The following RBBP4 variants were observed in gnomAD, a reference collection of about 807,000 sequenced individuals.
The protein encoded by RBBP4 is RB binding protein 4, chromatin remodeling factor, also known as histone-binding protein RBBP4.
Under a neutral mutation model 57.2 loss-of-function variants are expected in RBBP4, and 3 were observed. The observed-to-expected ratio is 0.05, with a 90% CI of 0.02 to 0.14. The LOEUF is 0.14. RBBP4 is among the 10% of genes least tolerant of loss of function. RBBP4 has a pLI of 1.00. For missense variants in RBBP4, 107 were observed against 520.6 expected, an observed-to-expected ratio of 0.21 and a Z score of 7.73; for synonymous variants, 151 against 171.5, an observed-to-expected ratio of 0.88 and a Z score of 0.93.
chr1:32,660,427 T>TTTTTATTTATTTA (rs67158502), intron 3 of RBBP4, among the ~76,000 whole-genome samples: 125,444 of 150,526 alleles, frequency 0.83, 54,651 homozygotes, highest in Non-Finnish European at 0.96. Flanking sequence ...TATTTATTTA[T>TTTTTATTTATTTA]TTTTTTTGAG....
At chr1:32,671,693 T>TG (rs1648882393) in intron 8 of RBBP4, among the ~76,000 whole-genome samples, 1 of 33,036 alleles carries the variant, frequency 3.0e-5, no homozygotes, top group Non-Finnish European at 2.0e-4. Flanking sequence ...AGGCCTCATC[T>TG]CTTTTTTTTT....
At chr1:32,654,699 G>A (rs1648055147) in intron 2 of RBBP4, among the ~76,000 whole-genome samples, 4 of 152,098 alleles carry the variant, frequency 2.6e-5, no homozygotes, top group Admixed American at 2.6e-4. Flanking sequence ...TGTTGTTGTT[G>A]TTTTGAGACG....
intron 11 of RBBP4, among the ~76,000 whole-genome samples, chr1:32,677,479 AAAC>A (rs67938046): frequency 1.4e-4 from 20 of 139,602 alleles, no homozygotes; most frequent in Admixed American, 2.5e-4. Flanking sequence ...TTAAAAAAAA[AAAC>A]AAAACAAAAA....
chr1:32,662,211 A>AT (rs779037933), intron 3 of RBBP4: 44 of 334,862 alleles, frequency 1.3e-4, no homozygotes, highest in African/African-American at 3.4e-4. Flanking sequence ...GTTTTGTTTT[A>AT]TTTTTTTAAC....
chr1:32,666,440 C>T (rs1031948259), intron 3 of RBBP4, among the ~76,000 whole-genome samples: 1 of 151,898 alleles, frequency 6.6e-6, no homozygotes, highest in African/African-American at 2.4e-5. Context: ...CTCACTGCAA[C>T]CTCCGCCTCC....
chr1:32,656,987 G>C (rs1345372685), intron 2 of RBBP4, among the ~76,000 whole-genome samples: 1 of 152,130 alleles, frequency 6.6e-6, no homozygotes, highest in Admixed American at 6.6e-5. Context: ...TAGAAAATAT[G>C]GCTCTTGGCC....
chr1:32,668,653 A>G (rs1648752723), intron 4 of RBBP4, 86 bp from the exon 5 acceptor site: 1 of 1,084,064 alleles, frequency 9.2e-7, no homozygotes, highest in African/African-American at 1.6e-5. Flanking sequence ...TAAGAGCTTT[A>G]GACATCTTGA....
rs1649319045 is a variant in RBBP4 at position 32,679,976 on chromosome 1, G to A, written c.*271G>A. 2.5e-6 allele frequency: 3 copies of A among 1,210,718 alleles called. No individual in the cohort carries two copies. Among genetic ancestry groups the A allele is most frequent in the African/African-American group, 1.6e-5 (1 of 63,166 alleles). The allele number at this position is 1,210,718 out of a possible 1,614,324, so 75.0% of individuals were successfully genotyped here. On this transcript the variant is annotated 3_prime_UTR_variant, in exon 12 of 12. Transcript: ENST00000373493. ...AGCTACAGAAAGGGGAATATTATGTGTGATTATTTTTCTTCTTATGCTATA... is the reference window on the plus strand; with the variant it reads ...AGCTACAGAAAGGGGAATATTATGTATGATTATTTTTCTTCTTATGCTATA...
In RBBP4 at chr1:32,679,802, T is replaced by A; in HGVS notation, c.*97T>A. 6.5e-7 allele frequency: 1 copy of A among 1,548,328 alleles called. No individual in the cohort carries two copies. The highest frequency in any genetic ancestry group is 8.7e-7 in the Non-Finnish European group (1 of 1,151,764). On this transcript the variant is annotated 3_prime_UTR_variant, in exon 12 of 12. Transcript: ENST00000373493. ...TTTTGAGACAGACTTTATTCAGCTA[T>A]CCCTCTATATAATAGGTACCACCGA...
intron 2 of RBBP4, among the ~76,000 whole-genome samples, chr1:32,653,644 TTTTTTTTTTTTTTTTGTTTTTG>T (rs1647998286): frequency 4.5e-5 from 1 of 22,462 alleles, no homozygotes; most frequent in Admixed American, 5.4e-4. Flanking sequence ...CTGGTTTTTT[TTTTTTTTTTTTTTTTGTTTTTG>T]TTTTTTTTTT....
At chr1:32,653,660 G>GTTTT (rs1570831254) in intron 2 of RBBP4, among the ~76,000 whole-genome samples, 3 of 45,054 alleles carry the variant, frequency 6.7e-5, no homozygotes, top group Admixed American at 2.7e-4. Flanking sequence ...TTTTTTTTTT[G>GTTTT]TTTTTGTTTT....
Position 32,679,748 on chromosome 1 carries a change from TCTC to T in RBBP4, c.*44_*46del, listed in dbSNP as rs1457936119. 6.2e-7 allele frequency: 1 copy of T among 1,611,250 alleles called. No individual in the cohort carries two copies. Among genetic ancestry groups the T allele is most frequent in the Non-Finnish European group, 8.5e-7 (1 of 1,178,872 alleles). On this transcript the variant is annotated 3_prime_UTR_variant, in exon 12 of 12. Transcript: ENST00000373493. ...GTGATTTTAGACTCCCCTTTTTTCT[TCTC>T]AACCCTGAGAGTGATTTAACACTGG... is the stretch of plus-strand genomic sequence containing the variant.
In RBBP4 at chr1:32,668,334, C is replaced by G; in HGVS notation, c.420C>G (p.Ile140Met). The G allele has an allele frequency of 6.2e-7, 1 of 1,609,746 alleles. No individual in the cohort carries two copies. The highest frequency in any genetic ancestry group is 8.5e-7 in the Non-Finnish European group (1 of 1,176,108). Reference sequence around the variant, plus strand: ...ATATGCCCCAGAACCCTTGTATCATCGCAACAAAGACTCCTTCCAGTGATG... The same window carrying G: ...ATATGCCCCAGAACCCTTGTATCATGGCAACAAAGACTCCTTCCAGTGATG... The part of the protein sequence containing the change: ...ARYMPQNPCI[I>M]ATKTPSSDVL... The change falls in exon 4 of 12, where the codon ATC becomes ATG. Residue 140 changes from isoleucine (I) to methionine (M), a missense_variant. Ile to Met is a conservative substitution (Grantham distance 10). Coordinates refer to ENST00000373493, the MANE Select transcript of RBBP4 (RefSeq NM_005610.3).
At chr1:32,663,497 T>C (rs757200869) in intron 3 of RBBP4, among the ~76,000 whole-genome samples, 2 of 152,108 alleles carry the variant, frequency 1.3e-5, no homozygotes, top group Non-Finnish European at 2.9e-5. Context: ...TGGAGTGCAG[T>C]GGTGTGATCA....
At chr1:32,659,174 CAA>C (rs1648292393) in intron 3 of RBBP4, among the ~76,000 whole-genome samples, 1 of 148,858 alleles carries the variant, frequency 6.7e-6, no homozygotes, top group East Asian at 1.9e-4. Context: ...TACACACACA[CAA>C]TATAAATGTA....
intron 2 of RBBP4, 138 bp downstream of exon 2, chr1:32,652,199 A>G: frequency 1.0e-6 from 1 of 997,742 alleles, no homozygotes; most frequent in Non-Finnish European, 1.5e-6. Context: ...TCTAGGCCAC[A>G]AAGTAAGGCA....
intron 4 of RBBP4, 46 bp from the exon 5 acceptor site, chr1:32,668,693 G>A (rs752886573): frequency 2.0e-5 from 30 of 1,484,806 alleles, no homozygotes; most frequent in Middle Eastern, 2.4e-4. Context: ...AGTAGGCCCA[G>A]AGAGCCAGTG....
chr1:32,664,130 G>T (rs546519241), intron 3 of RBBP4, among the ~76,000 whole-genome samples: 1 of 151,882 alleles, frequency 6.6e-6, no homozygotes, highest in Non-Finnish European at 1.5e-5. Context: ...GGGTTTTACC[G>T]TGTTAGCCAG....
chr1:32,675,449 A>T (rs886999824), intron 11 of RBBP4, among the ~76,000 whole-genome samples: 3 of 151,860 alleles, frequency 2.0e-5, no homozygotes, highest in Non-Finnish European at 4.4e-5. Flanking sequence ...CCATCACAAC[A>T]TTCATACTTT....
Sources: gnomAD v4.1 joint callset for allele counts (sites outside exome capture counted in the v4.1 genomes callset) on GRCh38, gnomAD v4.1.1 for gene constraint, MANE v1.5 for transcripts, NCBI Gene and HGNC (gene_info 2026-07-23, HGNC 2026-07-21) for gene names.